The following NEDD9 variants were observed in gnomAD, a reference collection of about 807,000 sequenced individuals.
NEDD9 encodes neural precursor cell expressed, developmentally down-regulated 9.
In NEDD9, 26 loss-of-function variants were observed where a neutral mutation model predicts 76.6. The observed-to-expected ratio is 0.34, with a 90% CI of 0.25 to 0.47. The LOEUF (loss-of-function observed/expected upper bound fraction) is 0.47, where lower values mean the gene tolerates loss of function less well. Among genes scored for constraint, NEDD9 ranks in the 20% least tolerant of loss-of-function variants. NEDD9 has a pLI of 1.00. For missense variants in NEDD9, 937 were observed against 1,058.5 expected, an observed-to-expected ratio of 0.89 and a Z score of 1.59; for synonymous variants, 392 against 414.2, an observed-to-expected ratio of 0.95 and a Z score of 0.65.
intron 1 of NEDD9, among the ~76,000 whole-genome samples, chr6:11,358,727 C>G (rs1310753188): frequency 6.6e-6 from 1 of 152,144 alleles, no homozygotes; most frequent in African/African-American, 2.4e-5. Context: ...ACTTTTCCCC[C>G]TGGTTTTACA....
At chr6:11,287,521 A>G (rs1760676284) in intron 3 of NEDD9, among the ~76,000 whole-genome samples, 1 of 125,374 alleles carries the variant, frequency 8.0e-6, no homozygotes, top group South Asian at 2.3e-4. Context: ...GTAGTGCACA[A>G]ATCCACACAC....
At chr6:11,248,993 C>T (rs1759861775) in intron 3 of NEDD9, 1 of 407,088 alleles carries the variant, frequency 2.5e-6, no homozygotes, top group African/African-American at 2.0e-5. Flanking sequence ...ACAGTCATGC[C>T]AGCTATTCAT....
chr6:11,285,164 A>C (rs1760622377), intron 3 of NEDD9, among the ~76,000 whole-genome samples: 1 of 152,156 alleles, frequency 6.6e-6, no homozygotes. Flanking sequence ...TGCTGTAAGA[A>C]GCCTAAGCCT....
At chr6:11,298,591 T>C (rs1308762688) in intron 3 of NEDD9, among the ~76,000 whole-genome samples, 3 of 152,224 alleles carry the variant, frequency 2.0e-5, no homozygotes, top group Non-Finnish European at 4.4e-5. Flanking sequence ...ATCTCTCTGT[T>C]TTTGTCTCAG....
chr6:11,225,105 CT>C (rs1423222486), intron 1 of NEDD9, among the ~76,000 whole-genome samples: 13 of 152,172 alleles, frequency 8.5e-5, no homozygotes, highest in Non-Finnish European at 1.8e-4. Context: ...CACCGCCCCC[CT>C]GCCCCCCAAC....
At chr6:11,208,592 T>C (rs1161899487) in intron 2 of NEDD9, among the ~76,000 whole-genome samples, 6 of 152,252 alleles carry the variant, frequency 3.9e-5, no homozygotes, top group Admixed American at 6.5e-5. Context: ...ATCTGTGGGC[T>C]GATGCTCTAC....
intron 3 of NEDD9, among the ~76,000 whole-genome samples, chr6:11,245,142 T>C (rs1406974178): frequency 6.6e-6 from 1 of 152,168 alleles, no homozygotes; most frequent in Non-Finnish European, 1.5e-5. Flanking sequence ...ATTAGCTACA[T>C]TGTGAACTTG....
intron 1 of NEDD9, among the ~76,000 whole-genome samples, chr6:11,372,844 C>T (rs893479115): frequency 1.3e-5 from 2 of 152,150 alleles, no homozygotes; most frequent in African/African-American, 4.8e-5. Flanking sequence ...ATTAAGAATG[C>T]AACCCTCCTC....
intron 2 of NEDD9, among the ~76,000 whole-genome samples, chr6:11,307,867 G>T (rs1761237441): frequency 6.6e-6 from 1 of 151,918 alleles, no homozygotes; most frequent in Admixed American, 6.6e-5. Flanking sequence ...CATGCACCGG[G>T]GTCTCTGTGT....
At chr6:11,339,909 G>A (rs181228794) in intron 1 of NEDD9, among the ~76,000 whole-genome samples, 2 of 152,328 alleles carry the variant, frequency 1.3e-5, no homozygotes, top group Non-Finnish European at 2.9e-5. Flanking sequence ...CAGCTGTACG[G>A]TAATGATATC....
chr6:11,212,984 A>G (rs1021628428), intron 2 of NEDD9, among the ~76,000 whole-genome samples: 1 of 152,254 alleles, frequency 6.6e-6, no homozygotes, highest in Admixed American at 6.5e-5. Flanking sequence ...AAGGCTTAGA[A>G]GCTGATATAT....
chr6:11,228,638 C>T (rs1177870255), intron 1 of NEDD9, among the ~76,000 whole-genome samples: 1 of 151,946 alleles, frequency 6.6e-6, no homozygotes, highest in Non-Finnish European at 1.5e-5. Flanking sequence ...TGACGTGTAT[C>T]CCAGCAAGGA....
chr6:11,222,046 CA>C (rs1759160381), intron 1 of NEDD9, among the ~76,000 whole-genome samples: 1 of 152,098 alleles, frequency 6.6e-6, no homozygotes, highest in African/African-American at 2.4e-5. Context: ...AATATACTTC[CA>C]AAAATGATGT....
intron 3 of NEDD9, among the ~76,000 whole-genome samples, chr6:11,287,714 A>G (rs1488861808): frequency 2.0e-5 from 3 of 152,146 alleles, no homozygotes; most frequent in Non-Finnish European, 4.4e-5. Flanking sequence ...TGTGAAATCT[A>G]CTGCCTCAAG....
upstream of NEDD9, among the ~76,000 whole-genome samples, chr6:11,236,762 C>T (rs1366630110): frequency 6.6e-6 from 1 of 152,210 alleles, no homozygotes; most frequent in Non-Finnish European, 1.5e-5. This position sits in a 1 kb window ranked among gnomAD's most constrained non-coding sequence, Gnocchi z 5.5. Context: ...CCACGTTGCT[C>T]ACTACGTGTT....
chr6:11,344,315 A>G (rs1002104425), intron 1 of NEDD9, among the ~76,000 whole-genome samples: 5 of 152,228 alleles, frequency 3.3e-5, no homozygotes, highest in African/African-American at 1.2e-4. Flanking sequence ...ACTCTGTTGG[A>G]AAGTCCCCGT....
intron 2 of NEDD9, among the ~76,000 whole-genome samples, chr6:11,306,890 A>G (rs1206740659): frequency 1.3e-5 from 2 of 152,044 alleles, no homozygotes; most frequent in African/African-American, 4.8e-5. Flanking sequence ...GTACTGGCCA[A>G]TTTTTCACTC....
At chr6:11,357,657 CTT>C (rs1364159098) in intron 1 of NEDD9, among the ~76,000 whole-genome samples, 1 of 152,216 alleles carries the variant, frequency 6.6e-6, no homozygotes, top group African/African-American at 2.4e-5. Flanking sequence ...GATTCACTCT[CTT>C]TTCAGGCGCT....
intron 2 of NEDD9, among the ~76,000 whole-genome samples, chr6:11,210,926 C>T (rs971787159): frequency 3.9e-5 from 6 of 152,092 alleles, no homozygotes. Flanking sequence ...GTGGAGAAGC[C>T]CTTGGTATTT....
Sources: gnomAD v4.1 joint callset for allele counts (sites outside exome capture counted in the v4.1 genomes callset) on GRCh38, gnomAD v4.1.1 for gene constraint, Gnocchi (gnomAD v3.1) non-coding constraint, MANE v1.5 for transcripts, NCBI Gene and HGNC (gene_info 2026-07-23, HGNC 2026-07-21) for gene names.